Variants in ABCA4 observed in about 807,000 individuals in gnomAD.
ABCA4 encodes retinal-specific phospholipid-transporting ATPase ABCA4.
Under a neutral mutation model 263.7 loss-of-function variants are expected in ABCA4, and 196 were observed. That is an observed-to-expected ratio of 0.74 (90% confidence interval 0.66 to 0.84). ABCA4 has a LOEUF of 0.84. ABCA4 is among the 40% of genes least tolerant of loss of function. The probability of loss-of-function intolerance (pLI) is 0.00; values close to 1 mark genes in which losing one functional copy is unlikely to be tolerated. For missense variants in ABCA4, 2,792 were observed against 2,855.1 expected, an observed-to-expected ratio of 0.98 and a Z score of 0.50; for synonymous variants, 1,133 against 1,094.2, an observed-to-expected ratio of 1.04 and a Z score of -0.70.
Position 94,078,579 on chromosome 1 carries a change from A to ACCC in ABCA4, c.1356+8_1356+10dup. 8.9e-7 allele frequency: 1 copy of ACCC among 1,126,812 alleles called. No homozygotes were observed. The highest frequency in any genetic ancestry group is 1.3e-6 in the Non-Finnish European group (1 of 750,650). The allele number at this position is 1,126,812 out of a possible 1,614,324, so 69.8% of individuals were successfully genotyped here. A position where few individuals can be genotyped will look rare whatever the true frequency, so the allele number is the denominator to read the frequency against. ...CCTCCCCTCCCCTCCCCATCCTCCA[A>ACCC]CCCCCCTTACTCTGATCATGTTCAT... On this transcript the variant is annotated intron_variant, in intron 10 of 49. Coordinates refer to ENST00000370225, the MANE Select transcript of ABCA4 (RefSeq NM_000350.3).
At chr1:94,055,535 C>CA (rs1660952290) in intron 15 of ABCA4, among the ~76,000 whole-genome samples, 2 of 152,090 alleles carry the variant, frequency 1.3e-5, no homozygotes, top group South Asian at 4.1e-4. Context: ...TATACAGTCA[C>CA]AAAAAACATG....
chr1:93,996,273 C>G (rs1000476736), intron 48 of ABCA4, 78 bp from the exon 49 acceptor site: 2 of 1,109,818 alleles, frequency 1.8e-6, no homozygotes, highest in Non-Finnish European at 2.7e-6. Flanking sequence ...CCACTTTGCT[C>G]TCTATTTTCC....
chr1:94,111,654 T>C lies in ABCA4; in HGVS notation c.161-75A>G. The C allele has an allele frequency of 2.3e-5, 36 of 1,581,198 alleles. No homozygotes were observed. The South Asian group carries it at 3.9e-4, about 17-fold the overall frequency. On this transcript the variant is annotated intron_variant, in intron 2 of 49. Coordinates refer to ENST00000370225, the MANE Select transcript of ABCA4 (RefSeq NM_000350.3). ...CAGGATGCAGACCTAGGAGTTGGCC[T>C]TTTTGGGAAGGGGCCCGGGCCCCTC...
At chr1:94,111,954 C>T (rs1439829677) in intron 2 of ABCA4, among the ~76,000 whole-genome samples, 6 of 152,350 alleles carry the variant, frequency 3.9e-5, no homozygotes, top group Admixed American at 6.5e-5. Flanking sequence ...CCTTCAACCA[C>T]GGTGAACTGA....
chr1:94,004,612 T>G (rs1659319397), intron 44 of ABCA4, among the ~76,000 whole-genome samples: 1 of 152,240 alleles, frequency 6.6e-6, no homozygotes, highest in African/African-American at 2.4e-5. Context: ...TGGGTTACTT[T>G]ATTTAGTTTG....
intron 6 of ABCA4, among the ~76,000 whole-genome samples, chr1:94,097,023 A>G (rs1662139560): frequency 1.3e-5 from 2 of 152,240 alleles, no homozygotes; most frequent in Admixed American, 6.5e-5. Context: ...GCCTGGAATA[A>G]GGGACCTTTG....
At chr1:94,115,969 G>A (rs1465441950) in intron 1 of ABCA4, among the ~76,000 whole-genome samples, 1 of 152,118 alleles carries the variant, frequency 6.6e-6, no homozygotes, top group African/African-American at 2.4e-5. Context: ...TCAGGGAGGG[G>A]ACCAGCCAGC....
At chr1:93,994,679 A>AT (rs1388223235) in intron 49 of ABCA4, among the ~76,000 whole-genome samples, 1 of 152,240 alleles carries the variant, frequency 6.6e-6, no homozygotes. Flanking sequence ...TAGGTTTTGG[A>AT]TGAAAATTAT....
At chr1:94,103,190 C>T (rs769736897) in intron 4 of ABCA4, 48 bp from the exon 5 acceptor site, 1 of 1,607,620 alleles carries the variant, frequency 6.2e-7, no homozygotes, top group Non-Finnish European at 8.5e-7. Context: ...GGAAATGGGT[C>T]AAAAAAAGGA....
intron 26 of ABCA4, among the ~76,000 whole-genome samples, chr1:94,035,189 A>G (rs1437976682): frequency 6.6e-6 from 1 of 152,242 alleles, no homozygotes; most frequent in Non-Finnish European, 1.5e-5. Context: ...ATCAAGAAGG[A>G]ATATTCTGCA....
intron 6 of ABCA4, among the ~76,000 whole-genome samples, chr1:94,094,633 G>C (rs1280991934): frequency 6.6e-6 from 1 of 152,180 alleles, no homozygotes; most frequent in South Asian, 2.1e-4. Flanking sequence ...CTTGGCACCC[G>C]CCTCGGTTCC....
At chr1:94,062,505 C>T in intron 13 of ABCA4, 72 bp downstream of exon 13, 1 of 1,561,112 alleles carries the variant, frequency 6.4e-7, no homozygotes, top group Non-Finnish European at 8.8e-7. Flanking sequence ...GAGGGCACCC[C>T]CAGCCCACCC....
chr1:94,043,632 C>G (rs867147465), intron 20 of ABCA4, among the ~76,000 whole-genome samples, 157 bp from the exon 21 acceptor site: 8 of 152,214 alleles, frequency 5.3e-5, no homozygotes, highest in Middle Eastern at 3.4e-3. Context: ...GCAGACCCTG[C>G]TTAAATATCT....
chr1:94,030,644 G>T, intron 28 of ABCA4, 118 bp from the exon 29 acceptor site: 1 of 1,014,612 alleles, frequency 9.9e-7, no homozygotes. Context: ...ACCGAATGCT[G>T]CCTTGGGATG....
intron 6 of ABCA4, among the ~76,000 whole-genome samples, chr1:94,091,891 T>C (rs1661980054): frequency 6.6e-6 from 1 of 152,318 alleles, no homozygotes; most frequent in African/African-American, 2.4e-5. Context: ...CTGCTTGGGT[T>C]GTCTGGGATC....
At chr1:94,023,510 T>A in intron 31 of ABCA4, 92 bp from the exon 32 acceptor site, 10 of 1,149,996 alleles carry the variant, frequency 8.7e-6, no homozygotes, top group Non-Finnish European at 1.3e-5. Context: ...AAGACTGAAG[T>A]CTCAGTCTTC....
intron 1 of ABCA4, among the ~76,000 whole-genome samples, chr1:94,114,009 C>A (rs533950783): frequency 1.3e-5 from 2 of 152,106 alleles, no homozygotes; most frequent in Non-Finnish European, 2.9e-5. Flanking sequence ...TCTATGCAAC[C>A]CTTACTCCAG....
At chr1:94,029,656 C>G (rs976589705) in intron 29 of ABCA4, 25 bp from the exon 30 acceptor site, 1 of 1,603,840 alleles carries the variant, frequency 6.2e-7, no homozygotes, top group Non-Finnish European at 8.5e-7. Context: ...GAAAATATTC[C>G]ATAATCAGCC....
chr1:94,001,931 G>T lies in ABCA4; in HGVS notation c.6209C>A (p.Thr2070Lys), dbSNP rs778066205. Reference protein sequence around the residue: ...LTVYADCLAGTYSGGNKRKLS... With the variant: ...LTVYADCLAGKYSGGNKRKLS... ...TTTCCGCTTGTTGCCCCCACTGTACGTGCCAGCCAGGCAGTCGGCGTAGAC... is the reference window on the plus strand; with the variant it reads ...TTTCCGCTTGTTGCCCCCACTGTACTTGCCAGCCAGGCAGTCGGCGTAGAC... The change falls in exon 45 of 50, where the codon ACG (threonine) becomes AAG (lysine). Residue 2070 changes from threonine to lysine, a missense_variant. Coordinates refer to ENST00000370225, the MANE Select transcript of ABCA4 (RefSeq NM_000350.3). 4 of 1,614,044 alleles carry T rather than the reference G, an allele frequency of 2.5e-6. No homozygotes were observed. Among genetic ancestry groups the T allele is most frequent in the Non-Finnish European group, 3.4e-6 (4 of 1,180,032 alleles).
Sources: allele counts gnomAD v4.1 joint callset (sites outside exome capture counted in the v4.1 genomes callset), GRCh38; gene constraint gnomAD v4.1.1; transcripts MANE v1.5; gene names NCBI Gene and HGNC (gene_info 2026-07-23, HGNC 2026-07-21).